SLC4A7: variants seen among roughly 807,000 people sequenced by gnomAD.
SLC4A7 encodes solute carrier family 4 member 7.
SLC4A7 carries 51 observed loss-of-function variants against 137.6 expected under a neutral mutation model. The observed-to-expected ratio is 0.37, with a 90% CI of 0.30 to 0.47. SLC4A7 has a LOEUF of 0.47. Ranked by LOEUF, SLC4A7 falls within the 20% of genes least tolerant of loss-of-function variation. The pLI is 1.00. For synonymous variants in SLC4A7, 542 were observed against 518.6 expected (o/e 1.05, Z -0.61); for missense variants, 1,247 against 1,525.4 (o/e 0.82, Z 3.04).
intron 5 of SLC4A7, 84 bp downstream of exon 5, chr3:27,436,304 T>C (rs1050291462): frequency 1.4e-5 from 14 of 1,035,436 alleles, no homozygotes; most frequent in Middle Eastern, 2.1e-4. Context: ...CTCCACAGAA[T>C]AGAAGCTCAG....
rs866633938 is a variant in SLC4A7 at position 27,478,248 on chromosome 3, T to C, written c.60+5819A>G. On this transcript the variant is annotated intron_variant, in intron 1 of 25. Coordinates refer to ENST00000454389, the MANE Select transcript of SLC4A7 (RefSeq NM_001321103.2). ...AAACATTAAAGCGGGCAGGGTGCGG[T>C]GGCTCACACCTGTAATCCCAGCACT... Among the ~76,000 whole-genome samples, 40 of 151,884 alleles carry C rather than the reference T, an allele frequency of 2.6e-4. 1 individual carries two copies. In the South Asian group the frequency reaches 4.2e-3, roughly 16 times the overall value.
chr3:27,465,089 G>A (rs1018733007), intron 1 of SLC4A7, among the ~76,000 whole-genome samples: 27 of 152,030 alleles, frequency 1.8e-4, no homozygotes, highest in African/African-American at 6.5e-4. Context: ...CCTGAGCTCT[G>A]GGGTTTGAGA....
At chr3:27,406,806 C>T (rs1312496560) in intron 13 of SLC4A7, among the ~76,000 whole-genome samples, 1 of 151,988 alleles carries the variant, frequency 6.6e-6, no homozygotes, top group African/African-American at 2.4e-5. Flanking sequence ...GTGGTACACA[C>T]CTATAGTCCC....
chr3:27,451,407 A>G (rs754463876), intron 2 of SLC4A7, among the ~76,000 whole-genome samples: 3 of 152,056 alleles, frequency 2.0e-5, no homozygotes, highest in African/African-American at 7.2e-5. Flanking sequence ...AGTCATGTTG[A>G]TATCATATTG....
intron 14 of SLC4A7, 62 bp from the exon 15 acceptor site, chr3:27,403,446 T>C (rs1249741537): frequency 8.3e-7 from 1 of 1,202,078 alleles, no homozygotes. Context: ...GTACCTAAAA[T>C]TTTTCATTGC....
intron 7 of SLC4A7, among the ~76,000 whole-genome samples, chr3:27,429,137 A>G (rs1050415102): frequency 4.6e-5 from 7 of 151,848 alleles, no homozygotes; most frequent in African/African-American, 9.7e-5. Flanking sequence ...GTGGTGGTGC[A>G]TGCCTGTAGT....
In SLC4A7 at chr3:27,418,635, A is replaced by G. The variant is rs563086546; in HGVS notation, c.1513-3T>C. 102 of 1,558,366 alleles carry G rather than the reference A, an allele frequency of 6.5e-5. 2 individuals carry two copies. The South Asian group carries it at 1.2e-3, about 18-fold the overall frequency. On this transcript the variant is annotated splice_polypyrimidine_tract_variant and splice_region_variant and intron_variant, in intron 10 of 25. Coordinates refer to ENST00000454389, the MANE Select transcript of SLC4A7 (RefSeq NM_001321103.2). ...TTATAAGCTACATCATGGAAAATCT[A>G]AGTGAAAAAAATATTGAGTAAAAGA...
chr3:27,456,525 A>T, intron 1 of SLC4A7: 1 of 694,428 alleles, frequency 1.4e-6, no homozygotes. Context: ...TCCACAGCCA[A>T]GGACACAAAG....
intron 6 of SLC4A7, 95 bp from the exon 7 acceptor site, chr3:27,431,764 T>G (rs548899151): frequency 1.5e-6 from 2 of 1,336,138 alleles, no homozygotes; most frequent in African/African-American, 3.0e-5. Flanking sequence ...ATAAATTGCA[T>G]ACTTCAAAGG....
At chr3:27,429,479 C>T (rs1028925998) in intron 7 of SLC4A7, among the ~76,000 whole-genome samples, 6 of 152,068 alleles carry the variant, frequency 3.9e-5, no homozygotes, top group African/African-American at 1.2e-4. Context: ...TGATTCCAGG[C>T]AGTCAGTCAT....
At chr3:27,415,857 A>C (rs11708710) in intron 11 of SLC4A7, among the ~76,000 whole-genome samples, 27,690 of 152,252 alleles carry the variant, frequency 0.18, 2,933 homozygotes, top group Non-Finnish European at 0.25. Context: ...CATTTTGCAA[A>C]AAAGCAAAAG....
At chr3:27,441,759 T>C (rs889111314) in intron 3 of SLC4A7, among the ~76,000 whole-genome samples, 1 of 152,078 alleles carries the variant, frequency 6.6e-6, no homozygotes, top group Non-Finnish European at 1.5e-5. Context: ...GTGTTGAAAT[T>C]ACAGGCATGC....
chr3:27,483,120 T>C (rs1284647626), intron 1 of SLC4A7, among the ~76,000 whole-genome samples: 2 of 152,216 alleles, frequency 1.3e-5, no homozygotes, highest in African/African-American at 2.4e-5. Context: ...AAATTAGAAG[T>C]AGGAAAATTT....
intron 22 of SLC4A7, 39 bp downstream of exon 22, chr3:27,389,889 ATAT>A (rs758442933): frequency 1.1e-5 from 15 of 1,415,062 alleles, no homozygotes; most frequent in Middle Eastern, 1.8e-4. Context: ...TACTGTAAAC[ATAT>A]TATTAATTAG....
At chr3:27,435,571 G>A (rs2056669659) in intron 5 of SLC4A7, among the ~76,000 whole-genome samples, 1 of 152,172 alleles carries the variant, frequency 6.6e-6, no homozygotes, top group Non-Finnish European at 1.5e-5. Flanking sequence ...TAGGCACCGT[G>A]GCTCACACCT....
intron 15 of SLC4A7, among the ~76,000 whole-genome samples, chr3:27,401,682 T>C (rs1315055185): frequency 2.0e-5 from 3 of 152,130 alleles, no homozygotes; most frequent in African/African-American, 7.2e-5. Flanking sequence ...TATAAATTTA[T>C]AATATAAATT....
intron 11 of SLC4A7, among the ~76,000 whole-genome samples, chr3:27,418,074 G>A (rs574103856): frequency 6.6e-6 from 1 of 152,174 alleles, no homozygotes; most frequent in Non-Finnish European, 1.5e-5. Flanking sequence ...CAAAAGACTG[G>A]TAACATCAGA....
At position 27,397,643 on chromosome 3, in the gene SLC4A7, G is replaced by A. The variant is rs777486304; in HGVS notation, c.2703+41C>T. The A allele has an allele frequency of 6.6e-6, 6 of 915,386 alleles. No homozygotes were observed. In the Admixed American group the frequency reaches 9.1e-5, roughly 14 times the overall value. The allele number at this position is 915,386 out of a possible 1,614,324, so 56.7% of individuals were successfully genotyped here. ...TAGTATCTTGCTTTAAAGTAGTGTGGTATTCCCAAGTAACAAATAGCCACT... is the reference window on the plus strand; with the variant it reads ...TAGTATCTTGCTTTAAAGTAGTGTGATATTCCCAAGTAACAAATAGCCACT... On this transcript the variant is annotated intron_variant, in intron 18 of 25. Coordinates refer to ENST00000454389, the MANE Select transcript of SLC4A7 (RefSeq NM_001321103.2).
intron 3 of SLC4A7, among the ~76,000 whole-genome samples, chr3:27,446,706 T>C (rs1430526725): frequency 6.6e-6 from 1 of 152,092 alleles, no homozygotes; most frequent in Non-Finnish European, 1.5e-5. Flanking sequence ...AGTTTTTTAC[T>C]GTTTAAGTAT....
Sources: allele counts gnomAD v4.1 joint callset (sites outside exome capture counted in the v4.1 genomes callset), GRCh38; gene constraint gnomAD v4.1.1; transcripts MANE v1.5; gene names NCBI Gene and HGNC (gene_info 2026-07-23, HGNC 2026-07-21).